UVRAG: variants seen among roughly 807,000 people sequenced by gnomAD.
The protein encoded by UVRAG is UV radiation resistance-associated gene protein.
UVRAG carries 19 observed loss-of-function variants against 78.0 expected under a neutral mutation model. The ratio of observed to expected loss-of-function variants is 0.24; its 90% confidence interval spans 0.17 to 0.36. The LOEUF is 0.36. Ranked by LOEUF, UVRAG falls within the 10% of genes least tolerant of loss-of-function variation. The probability of loss-of-function intolerance (pLI) is 1.00; values close to 1 mark genes in which losing one functional copy is unlikely to be tolerated. For missense variants in UVRAG, 740 were observed against 853.8 expected (o/e 0.87, Z 1.66); for synonymous variants, 323 against 324.6 (o/e 1.00, Z 0.05).
intron 5 of UVRAG, among the ~76,000 whole-genome samples, chr11:75,889,874 G>A (rs1294306397): frequency 6.6e-6 from 1 of 152,146 alleles, no homozygotes; most frequent in African/African-American, 2.4e-5. Flanking sequence ...CATATAATGA[G>A]GGCCTAACCT....
intron 3 of UVRAG, among the ~76,000 whole-genome samples, chr11:75,862,820 C>G (rs1946451709): frequency 6.6e-6 from 1 of 152,206 alleles, no homozygotes; most frequent in Admixed American, 6.5e-5. Flanking sequence ...CCTGCTAGAA[C>G]ATAAGTTCCA....
intron 1 of UVRAG, among the ~76,000 whole-genome samples, chr11:75,840,645 G>C (rs565831464): frequency 6.6e-6 from 1 of 152,302 alleles, no homozygotes; most frequent in African/African-American, 2.4e-5. Context: ...AAAGGCTTTA[G>C]TTCCAAGGTT....
At chr11:75,997,533 G>A (rs1949730503) in intron 8 of UVRAG, among the ~76,000 whole-genome samples, 1 of 152,084 alleles carries the variant, frequency 6.6e-6, no homozygotes, top group Non-Finnish European at 1.5e-5. Flanking sequence ...ACCAAGCTCC[G>A]GCATTTTTGT....
intron 4 of UVRAG, among the ~76,000 whole-genome samples, chr11:75,886,563 T>G (rs1274063840): frequency 1.3e-5 from 2 of 152,226 alleles, no homozygotes; most frequent in Non-Finnish European, 2.9e-5. Context: ...GGTGAAAAAC[T>G]CCTTGAGATT....
At chr11:76,110,556 T>C (rs1474014978) in intron 13 of UVRAG, among the ~76,000 whole-genome samples, 2 of 152,102 alleles carry the variant, frequency 1.3e-5, no homozygotes, top group Non-Finnish European at 2.9e-5. Context: ...ACCTATCCAG[T>C]TGGTTAAGGC....
At chr11:75,955,904 A>G (rs1420148317) in intron 6 of UVRAG, among the ~76,000 whole-genome samples, 1 of 152,194 alleles carries the variant, frequency 6.6e-6, no homozygotes, top group Non-Finnish European at 1.5e-5. Context: ...ATAAAGACTT[A>G]GAACATTTCC....
chr11:76,110,416 A>G (rs991293363), intron 13 of UVRAG, among the ~76,000 whole-genome samples: 5 of 152,200 alleles, frequency 3.3e-5, no homozygotes, highest in African/African-American at 4.8e-5. Context: ...TCAAACAACT[A>G]GTAAGTGACA....
intron 5 of UVRAG, among the ~76,000 whole-genome samples, chr11:75,892,092 TAACAA>T (rs1224937710): frequency 5.3e-5 from 8 of 152,120 alleles, no homozygotes; most frequent in African/African-American, 1.9e-4. Flanking sequence ...CCCCACAAAA[TAACAA>T]AACAAGTGAA....
chr11:75,880,877 G>T (rs1946928633), intron 4 of UVRAG, among the ~76,000 whole-genome samples: 1 of 150,696 alleles, frequency 6.6e-6, no homozygotes, highest in Non-Finnish European at 1.5e-5. Flanking sequence ...TTTTAACTGG[G>T]CTCAAAAGTA....
At chr11:75,844,541 G>C (rs1945993003) in intron 1 of UVRAG, among the ~76,000 whole-genome samples, 1 of 151,988 alleles carries the variant, frequency 6.6e-6, no homozygotes, top group Non-Finnish European at 1.5e-5. Context: ...AGCTTTCTAA[G>C]AAAATTACTG....
At chr11:76,060,571 C>T (rs1034915497) in intron 12 of UVRAG, among the ~76,000 whole-genome samples, 5 of 152,238 alleles carry the variant, frequency 3.3e-5, no homozygotes, top group South Asian at 2.1e-4. Flanking sequence ...GAGGGAGAGG[C>T]GCGAGCGGGA....
intron 7 of UVRAG, among the ~76,000 whole-genome samples, chr11:75,970,725 T>TC (rs1287590732): frequency 2.3e-5 from 3 of 128,518 alleles, no homozygotes; most frequent in Non-Finnish European, 4.7e-5. Context: ...AGAGCGAGAC[T>TC]CCATCTCAAA....
At position 75,837,908 on chromosome 11, in the gene UVRAG, T is replaced by C. The variant is rs572317913; in HGVS notation, c.118-13975T>C. Among the ~76,000 whole-genome samples, 7 of 152,318 alleles carry C rather than the reference T, an allele frequency of 4.6e-5. 1 individual carries two copies. In the South Asian group the frequency reaches 1.2e-3, roughly 27 times the overall value. Reference sequence around the variant, plus strand: ...GCATTGGCCTGGAGTCCTAGTTACTTTGGAGGCTGAAGCAGGAGGGTTGCT... The same window carrying C: ...GCATTGGCCTGGAGTCCTAGTTACTCTGGAGGCTGAAGCAGGAGGGTTGCT... On this transcript the variant is annotated intron_variant, in intron 1 of 14. Coordinates refer to ENST00000356136, the MANE Select transcript of UVRAG (RefSeq NM_003369.4).
intron 12 of UVRAG, among the ~76,000 whole-genome samples, chr11:76,025,160 A>G (rs558089289): frequency 6.6e-6 from 1 of 152,314 alleles, no homozygotes; most frequent in Admixed American, 6.5e-5. Flanking sequence ...GAAACTCTGA[A>G]ATCTTTGCTG....
intron 12 of UVRAG, among the ~76,000 whole-genome samples, chr11:76,032,841 C>G (rs1950461071): frequency 6.6e-6 from 1 of 152,148 alleles, no homozygotes; most frequent in Admixed American, 6.5e-5. Flanking sequence ...CTCACCTTGC[C>G]TCATAAGTGA....
At chr11:76,062,312 CTT>C (rs1951108845) in intron 12 of UVRAG, among the ~76,000 whole-genome samples, 1 of 152,170 alleles carries the variant, frequency 6.6e-6, no homozygotes, top group Non-Finnish European at 1.5e-5. Context: ...ATGGACATAT[CTT>C]TTTGGAGGCC....
chr11:75,976,373 T>C (rs954026994), intron 7 of UVRAG, among the ~76,000 whole-genome samples: 1 of 152,240 alleles, frequency 6.6e-6, no homozygotes, highest in African/African-American at 2.4e-5. Flanking sequence ...AGGATGATGC[T>C]GGCCTCATAA....
At chr11:75,916,392 T>C (rs1007690674) in intron 6 of UVRAG, 1 of 152,228 alleles carries the variant, frequency 6.6e-6, no homozygotes, top group African/African-American at 2.4e-5. Context: ...TACTGGCATA[T>C]AGTAGACATT....
At chr11:75,965,316 A>G (rs755440219) in intron 7 of UVRAG, among the ~76,000 whole-genome samples, 12 of 151,880 alleles carry the variant, frequency 7.9e-5, no homozygotes, top group Admixed American at 3.3e-4. Context: ...TTATTTATTT[A>G]TTTATTTAAT....
Sources: gnomAD v4.1 joint callset for allele counts (sites outside exome capture counted in the v4.1 genomes callset) on GRCh38, gnomAD v4.1.1 for gene constraint, MANE v1.5 for transcripts, NCBI Gene and HGNC (gene_info 2026-07-23, HGNC 2026-07-21) for gene names.